The following CNOT6L variants were observed in gnomAD, a reference collection of about 807,000 sequenced individuals.
The protein encoded by CNOT6L is CCR4-NOT transcription complex subunit 6-like.
Under a neutral mutation model 64.0 loss-of-function variants are expected in CNOT6L, and 7 were observed. That is an observed-to-expected ratio of 0.11 (90% CI 0.06 to 0.21). The LOEUF (loss-of-function observed/expected upper bound fraction) is 0.21. Ranked by LOEUF, CNOT6L falls within the 10% of genes least tolerant of loss-of-function variation. The pLI, the probability that CNOT6L is intolerant of heterozygous loss-of-function variation, is 1.00. For missense variants in CNOT6L, 245 were observed against 669.0 expected, an observed-to-expected ratio of 0.37 and a Z score of 6.99; for synonymous variants, 193 against 243.4, an observed-to-expected ratio of 0.79 and a Z score of 1.93.
At chr4:77,817,973 T>A (rs1733758361) in intron 1 of CNOT6L, among the ~76,000 whole-genome samples, 1 of 152,250 alleles carries the variant, frequency 6.6e-6, no homozygotes, top group Admixed American at 6.5e-5. Flanking sequence ...TTCTGAAATG[T>A]ACTGTAGACC....
At chr4:77,727,163 A>T (rs1163646404) in intron 10 of CNOT6L, among the ~76,000 whole-genome samples, 1 of 152,166 alleles carries the variant, frequency 6.6e-6, no homozygotes, top group African/African-American at 2.4e-5. Flanking sequence ...AGGCACTATC[A>T]TTTGTCTAGT....
chr4:77,780,758 TA>T (rs1728770746), intron 1 of CNOT6L, among the ~76,000 whole-genome samples: 1 of 152,212 alleles, frequency 6.6e-6, no homozygotes, highest in African/African-American at 2.4e-5. Flanking sequence ...TTGGTTCTAT[TA>T]AACAAAAGCT....
intron 1 of CNOT6L, among the ~76,000 whole-genome samples, chr4:77,780,481 A>G (rs777611064): frequency 1.3e-5 from 2 of 152,154 alleles, no homozygotes; most frequent in Non-Finnish European, 2.9e-5. Flanking sequence ...CTCCATTTCA[A>G]CAGTACGAAA....
At position 77,713,435 on chromosome 4, in the gene CNOT6L, GGAGA is replaced by G. The variant is rs1038807423; in HGVS notation, c.*6992_*6995del. ...TTGCCTACAGGGGAAGGAAAGGGAG[GGAGA>G]GAGGGGAAGTACACAGGTGCAAGGA... is the stretch of plus-strand genomic sequence containing the variant. On this transcript the variant is annotated 3_prime_UTR_variant, in exon 12 of 12. Transcript: ENST00000504123. 3.3e-5 allele frequency: 5 copies of G among 152,540 alleles called. No homozygotes were observed. The highest frequency in any genetic ancestry group is 6.6e-5 in the Admixed American group (1 of 15,258). The allele number at this position is 152,540 out of a possible 1,614,324, so 9.4% of individuals were successfully genotyped here. A position where few individuals can be genotyped will look rare whatever the true frequency, so the allele number is the denominator to read the frequency against.
At chr4:77,792,862 C>T (rs1730328168) in intron 1 of CNOT6L, among the ~76,000 whole-genome samples, 1 of 151,644 alleles carries the variant, frequency 6.6e-6, no homozygotes, top group African/African-American at 2.4e-5. Context: ...AAAAGTGACT[C>T]TCGACCAGAT....
rs1036030292 is a variant in CNOT6L at position 77,789,683 on chromosome 4, G to A, written c.6-13291C>T. On this transcript the variant is annotated intron_variant, in intron 1 of 11. Transcript: ENST00000504123. Reference sequence around the variant, plus strand: ...TCAAAAAAAAAAGCCAAGCATGATGGATTATGCCTGTAATCCCAGAACTTT... The same window carrying A: ...TCAAAAAAAAAAGCCAAGCATGATGAATTATGCCTGTAATCCCAGAACTTT... 3.3e-5 allele frequency among the ~76,000 whole-genome samples: 5 copies of A among 151,626 alleles called. No homozygotes were observed. The South Asian group carries it at 1.0e-3, about 32-fold the overall frequency.
At chr4:77,721,658 C>T (rs529700231) in intron 11 of CNOT6L, among the ~76,000 whole-genome samples, 16 of 152,106 alleles carry the variant, frequency 1.1e-4, no homozygotes, top group Non-Finnish European at 8.8e-5. Flanking sequence ...AATATCAAAA[C>T]ACCAAAACTG....
chr4:77,741,770 A>G (rs1472831944), intron 8 of CNOT6L, among the ~76,000 whole-genome samples: 2 of 152,198 alleles, frequency 1.3e-5, no homozygotes, highest in Non-Finnish European at 2.9e-5. Flanking sequence ...AAAATCAATT[A>G]TTAAAAAAAA....
chr4:77,789,566 A>C (rs1370850232), intron 1 of CNOT6L, among the ~76,000 whole-genome samples: 2 of 151,528 alleles, frequency 1.3e-5, no homozygotes, highest in African/African-American at 4.8e-5. Flanking sequence ...CCGGCTACTC[A>C]GGAAGATTCC....
chr4:77,763,494 A>T (rs1372388220), intron 4 of CNOT6L, among the ~76,000 whole-genome samples: 1 of 152,150 alleles, frequency 6.6e-6, no homozygotes, highest in East Asian at 1.9e-4. Flanking sequence ...ACCTAATAAA[A>T]TAAACCCAAG....
At chr4:77,734,173 G>A (rs1466740365) in intron 8 of CNOT6L, among the ~76,000 whole-genome samples, 1 of 152,066 alleles carries the variant, frequency 6.6e-6, no homozygotes, top group Non-Finnish European at 1.5e-5. Context: ...TGATCTTTTT[G>A]CTCTTAAACC....
At chr4:77,793,547 CAG>C (rs575372902) in intron 1 of CNOT6L, among the ~76,000 whole-genome samples, 229 of 152,256 alleles carry the variant, frequency 1.5e-3, no homozygotes, top group African/African-American at 5.3e-3. Flanking sequence ...GTCCCAGCAG[CAG>C]AGACTACATC....
chr4:77,731,291 G>T, intron 9 of CNOT6L, 96 bp downstream of exon 9: 1 of 1,128,690 alleles, frequency 8.9e-7, no homozygotes, highest in Non-Finnish European at 1.3e-6. Context: ...AAATAACTTT[G>T]CAATAAATAA....
upstream of CNOT6L, chr4:77,819,414 C>T (rs1442055057): frequency 3.1e-6 from 5 of 1,600,908 alleles, no homozygotes; most frequent in East Asian, 2.2e-5. Flanking sequence ...AGATGCTTCC[C>T]CTCCAGAGCC....
intron 8 of CNOT6L, among the ~76,000 whole-genome samples, chr4:77,733,382 G>A (rs1222804712): frequency 6.6e-6 from 1 of 151,920 alleles, no homozygotes; most frequent in African/African-American, 2.4e-5. Context: ...TTGATTCAGA[G>A]GTCTGCACCA....
intron 5 of CNOT6L, among the ~76,000 whole-genome samples, chr4:77,754,181 A>C (rs530351790): frequency 6.6e-6 from 1 of 152,158 alleles, no homozygotes; most frequent in Non-Finnish European, 1.5e-5. Flanking sequence ...AGCATTAAAA[A>C]CTATTTAGCA....
chr4:77,814,409 C>G (rs907060361), intron 1 of CNOT6L, among the ~76,000 whole-genome samples: 4 of 152,022 alleles, frequency 2.6e-5, no homozygotes, highest in African/African-American at 9.7e-5. Flanking sequence ...AAAAAGCAAC[C>G]CTTTAAGTAA....
intron 1 of CNOT6L, among the ~76,000 whole-genome samples, chr4:77,809,137 G>C (rs1679372248): frequency 6.6e-6 from 1 of 152,080 alleles, no homozygotes; most frequent in Non-Finnish European, 1.5e-5. Flanking sequence ...GAAGCATAGA[G>C]AAGTTAAATG....
intron 4 of CNOT6L, among the ~76,000 whole-genome samples, chr4:77,771,813 A>C (rs1166631231): frequency 6.6e-6 from 1 of 152,226 alleles, no homozygotes; most frequent in Admixed American, 6.5e-5. Context: ...ATGGAAACTA[A>C]AATAGTCTTT....
Sources: allele counts gnomAD v4.1 joint callset (sites outside exome capture counted in the v4.1 genomes callset), GRCh38; gene constraint gnomAD v4.1.1; transcripts MANE v1.5; gene names NCBI Gene and HGNC (gene_info 2026-07-23, HGNC 2026-07-21).